The following JPH3 variants were observed in gnomAD, a reference collection of about 807,000 sequenced individuals.
The protein encoded by JPH3 is junctophilin 3.
In JPH3, 11 loss-of-function variants were observed where a neutral mutation model predicts 59.6. The observed-to-expected ratio is 0.18, with a 90% CI of 0.12 to 0.31. The LOEUF (loss-of-function observed/expected upper bound fraction) is 0.31. JPH3 is among the 10% of genes least tolerant of loss of function. The pLI is 1.00. For synonymous variants in JPH3, 673 were observed against 483.6 expected, an observed-to-expected ratio of 1.39 and a Z score of -5.14; for missense variants, 1,202 against 1,105.7, an observed-to-expected ratio of 1.09 and a Z score of -1.24.
chr16:87,637,929 T>G (rs2031812199), intron 1 of JPH3, among the ~76,000 whole-genome samples: 1 of 152,152 alleles, frequency 6.6e-6, no homozygotes, highest in Admixed American at 6.5e-5. Flanking sequence ...AAAAAATTTT[T>G]TTTTGAGATG....
At chr16:87,629,918 G>C (rs770293503) in intron 1 of JPH3, among the ~76,000 whole-genome samples, 1 of 152,194 alleles carries the variant, frequency 6.6e-6, no homozygotes, top group Non-Finnish European at 1.5e-5. Flanking sequence ...AGGGGATACA[G>C]TATATGGGAA....
rs762639695 is a variant in JPH3, at chr16:87,644,828, A to G, written c.953A>G (p.Asn318Ser). Reference protein sequence around the residue: ...GLKYEGEWASNRRHGYGCMTF... With the variant: ...GLKYEGEWASSRRHGYGCMTF... Reference sequence around the variant, plus strand: ...AAGTACGAGGGCGAGTGGGCCAGCAACCGGCGCCATGGCTACGGCTGCATG... The same window carrying G: ...AAGTACGAGGGCGAGTGGGCCAGCAGCCGGCGCCATGGCTACGGCTGCATG... Residue 318 changes from asparagine to serine, a missense_variant, in exon 2 of 5, where the codon AAC (asparagine) becomes AGC (serine). Transcript: ENST00000284262. The G allele has an allele frequency of 6.8e-6, 11 of 1,613,254 alleles. No individual in the cohort carries two copies. The highest frequency in any genetic ancestry group is 2.7e-5 in the African/African-American group (2 of 74,852).
At chr16:87,635,804 G>A (rs1195084824) in intron 1 of JPH3, among the ~76,000 whole-genome samples, 1 of 152,236 alleles carries the variant, frequency 6.6e-6, no homozygotes, top group African/African-American at 2.4e-5. Context: ...CTCTCTCAGT[G>A]TTTGGGCCAT....
At chr16:87,690,608 G>C (rs977247150) in intron 4 of JPH3, 82 bp downstream of exon 4, 16 of 1,347,864 alleles carry the variant, frequency 1.2e-5, no homozygotes, top group Admixed American at 3.4e-5. Context: ...AGGGTTTCCA[G>C]CAAGGTCACT....
chr16:87,634,461 C>G (rs891518956), intron 1 of JPH3, among the ~76,000 whole-genome samples: 2 of 152,214 alleles, frequency 1.3e-5, no homozygotes, highest in Non-Finnish European at 2.9e-5. Context: ...GGGTGGAGGC[C>G]TGGCCGCCTT....
rs778517943 is a variant in JPH3, at chr16:87,644,266, C to G, written c.391C>G (p.Gln131Glu). The G allele has an allele frequency of 2.5e-6, 4 of 1,606,690 alleles. No individual in the cohort carries two copies. The Admixed American group carries it at 5.0e-5, about 20-fold the overall frequency. The change falls in exon 2 of 5, where the codon CAG becomes GAG. Residue 131 changes from glutamine (Q) to glutamate (E), a missense_variant. Gln to Glu is a conservative substitution (Grantham distance 29). Transcript: ENST00000284262. ...TETYSDGGTYQGQWVGGMRQG... is the reference protein window; with the variant it reads ...TETYSDGGTYEGQWVGGMRQG... ...TCTCATTTTCTCCCCAGGGACCTAC[C>G]AGGGCCAGTGGGTCGGTGGCATGCG...
At position 87,664,550 on chromosome 16, in the gene JPH3, G is replaced by A. The variant is rs1005242405; in HGVS notation, c.1160+19515G>A. On this transcript the variant is annotated intron_variant, in intron 2 of 4. Transcript: ENST00000284262. Reference sequence around the variant, plus strand: ...TGAGGCAGGAGAATTGCTTGAACCTGGGAGGCGGAGGTTGCAGTGAGCCGA... The same window carrying A: ...TGAGGCAGGAGAATTGCTTGAACCTAGGAGGCGGAGGTTGCAGTGAGCCGA... 5.9e-5 allele frequency among the ~76,000 whole-genome samples: 9 copies of A among 152,040 alleles called. No homozygotes were observed. The South Asian group carries it at 8.3e-4, about 14-fold the overall frequency.
At chr16:87,639,207 G>A (rs188208745) in intron 1 of JPH3, among the ~76,000 whole-genome samples, 36 of 152,274 alleles carry the variant, frequency 2.4e-4, no homozygotes, top group African/African-American at 8.4e-4. Context: ...CTGCACAGCC[G>A]CCCTCCCCTC....
intron 2 of JPH3, among the ~76,000 whole-genome samples, chr16:87,646,457 G>A (rs1449548271): frequency 6.6e-6 from 1 of 152,196 alleles, no homozygotes; most frequent in East Asian, 1.9e-4. Context: ...AGCAGCCCAC[G>A]TGTGACTACT....
At chr16:87,643,373 A>C (rs2032019519) in intron 1 of JPH3, among the ~76,000 whole-genome samples, 1 of 145,496 alleles carries the variant, frequency 6.9e-6, no homozygotes. Flanking sequence ...CAGCTGCTGC[A>C]GTCCCCACCC....
chr16:87,696,783 C>A lies in JPH3; in HGVS notation c.*123C>A. ...GCCCAGCGACTTCCAAGTCCTCTCACAGAAGAACCACACGATTGGGTATCA... is the reference window on the plus strand; with the variant it reads ...GCCCAGCGACTTCCAAGTCCTCTCAAAGAAGAACCACACGATTGGGTATCA... On this transcript the variant is annotated 3_prime_UTR_variant, in exon 5 of 5. Transcript: ENST00000284262. 1 of 758,436 alleles carries A rather than the reference C, an allele frequency of 1.3e-6. No homozygotes were observed. 47.0% of individuals were successfully genotyped at this position (758,436 alleles called of 1,614,324 possible).
chr16:87,691,569 GA>G (rs2033576192), intron 4 of JPH3, among the ~76,000 whole-genome samples: 1 of 152,134 alleles, frequency 6.6e-6, no homozygotes, highest in Non-Finnish European at 1.5e-5. Flanking sequence ...CCCTGCCCCT[GA>G]CCTAGGGGAG....
intron 2 of JPH3, among the ~76,000 whole-genome samples, chr16:87,681,016 A>C (rs9929191): frequency 6.6e-6 from 1 of 151,960 alleles, no homozygotes; most frequent in Non-Finnish European, 1.5e-5. Flanking sequence ...CAGCCGGGGA[A>C]GTGAAAGACC....
At chr16:87,691,209 C>G (rs961991498) in intron 4 of JPH3, among the ~76,000 whole-genome samples, 24 of 152,098 alleles carry the variant, frequency 1.6e-4, no homozygotes, top group Non-Finnish European at 2.9e-4. Flanking sequence ...GGCTGGGGGT[C>G]CTGGTGCCTC....
At chr16:87,673,861 G>C (rs1317820926) in intron 2 of JPH3, among the ~76,000 whole-genome samples, 1 of 152,126 alleles carries the variant, frequency 6.6e-6, no homozygotes, top group African/African-American at 2.4e-5. Flanking sequence ...GGGAGGCAGA[G>C]GTTGCAGTGA....
At chr16:87,631,753 T>C (rs754413814) in intron 1 of JPH3, among the ~76,000 whole-genome samples, 1 of 152,228 alleles carries the variant, frequency 6.6e-6, no homozygotes, top group Non-Finnish European at 1.5e-5. Context: ...CTGTTTTGCC[T>C]ACCTACCTCT....
chr16:87,635,068 G>A (rs1481211520), intron 1 of JPH3, among the ~76,000 whole-genome samples: 1 of 152,242 alleles, frequency 6.6e-6, no homozygotes, highest in African/African-American at 2.4e-5. Context: ...GTGGGAGCCT[G>A]GGTGGGGGCT....
chr16:87,616,227 TGTGTGTGTGTA>T (rs1255164158), intron 1 of JPH3, among the ~76,000 whole-genome samples: 21 of 145,896 alleles, frequency 1.4e-4, no homozygotes, highest in Admixed American at 2.7e-4. Context: ...TGTGTGTGTG[TGTGTGTGTGTA>T]TTTTTTTTTT....
At chr16:87,668,844 C>G (rs182983813) in intron 2 of JPH3, among the ~76,000 whole-genome samples, 1 of 152,176 alleles carries the variant, frequency 6.6e-6, no homozygotes, top group Non-Finnish European at 1.5e-5. Flanking sequence ...CTGTGGAGCC[C>G]TAACTGGGAC....
Sources: gnomAD v4.1 joint callset for allele counts (sites outside exome capture counted in the v4.1 genomes callset) on GRCh38, gnomAD v4.1.1 for gene constraint, MANE v1.5 for transcripts, NCBI Gene and HGNC (gene_info 2026-07-23, HGNC 2026-07-21) for gene names.